The following SNRPE variants were observed in gnomAD, a reference collection of about 807,000 sequenced individuals.
The protein encoded by SNRPE is small nuclear ribonucleoprotein E.
For synonymous variants in SNRPE, 35 were observed against 36.7 expected, an observed-to-expected ratio of 0.95 and a Z score of 0.17; for missense variants, 53 against 111.6, an observed-to-expected ratio of 0.48 and a Z score of 2.36.
At chr1:203,862,962 A>G (rs2103505599) in intron 2 of SNRPE, among the ~76,000 whole-genome samples, 1 of 152,246 alleles carries the variant, frequency 6.6e-6, no homozygotes, top group Non-Finnish European at 1.5e-5. Context: ...CAGAAGCAGT[A>G]AGAAATATTG....
intron 3 of SNRPE, among the ~76,000 whole-genome samples, chr1:203,864,826 G>A (rs1690053295): frequency 6.8e-6 from 1 of 147,486 alleles, no homozygotes; most frequent in Admixed American, 7.0e-5. Flanking sequence ...GCAGTAAGCC[G>A]AGGTTGCACC....
At chr1:203,864,658 C>T (rs1472447315) in intron 3 of SNRPE, among the ~76,000 whole-genome samples, 1 of 152,116 alleles carries the variant, frequency 6.6e-6, no homozygotes, top group South Asian at 2.1e-4. Context: ...TGATGAATCA[C>T]TTTAGCTCCA....
chr1:203,868,399 C>T (rs1690138973), intron 4 of SNRPE, among the ~76,000 whole-genome samples: 1 of 152,174 alleles, frequency 6.6e-6, no homozygotes, highest in African/African-American at 2.4e-5. Context: ...TCTTAGGATT[C>T]ACGGTTTCAT....
In SNRPE at chr1:203,869,289, C is replaced by CTTTTTTTTTTTTTTTTT. The variant is rs564988259; in HGVS notation, c.224-570_224-554dup. ...AGGTTTGTTTATTGTAGGATGGAGT[C>CTTTTTTTTTTTTTTTTT]TTTTTTTTTTTTTTTTTTTTTTTTT... On this transcript the variant is annotated intron_variant, in intron 4 of 4. Coordinates refer to ENST00000414487, the MANE Select transcript of SNRPE (RefSeq NM_003094.4). 1.5e-4 allele frequency among the ~76,000 whole-genome samples: 10 copies of CTTTTTTTTTTTTTTTTT among 66,814 alleles called. 1 individual carries two copies. Among genetic ancestry groups the CTTTTTTTTTTTTTTTTT allele is most frequent in the Admixed American group, 2.3e-4 (1 of 4,434 alleles). The allele number at this position is 66,814 out of a possible 152,430, so 43.8% of individuals were successfully genotyped here. A position where few individuals can be genotyped will look rare whatever the true frequency, so the allele number is the denominator to read the frequency against.
At chr1:203,866,709 T>A (rs1690094385) in intron 4 of SNRPE, among the ~76,000 whole-genome samples, 1 of 152,170 alleles carries the variant, frequency 6.6e-6, no homozygotes, top group Admixed American at 6.5e-5. Context: ...AGTCTGAACA[T>A]ATGTCATCCC....
At position 203,870,196 on chromosome 1, in the gene SNRPE, G is replaced by A. The variant is rs776979299; in HGVS notation, c.*264G>A. ...CAGTTGCCTTGAGCACTTGGTATTC[G>A]CAGAGCTTGGACCTGTAGATTTTGA... On this transcript the variant is annotated 3_prime_UTR_variant, in exon 5 of 5. Transcript: ENST00000414487. The A allele has an allele frequency of 4.9e-5, 15 of 303,650 alleles. No homozygotes were observed. The highest frequency in any genetic ancestry group is 7.9e-5 in the Non-Finnish European group (13 of 164,308). The allele number at this position is 303,650 out of a possible 1,614,324, so 18.8% of individuals were successfully genotyped here.
At chr1:203,865,548 C>G (rs1010222840) in intron 4 of SNRPE, among the ~76,000 whole-genome samples, 1 of 152,168 alleles carries the variant, frequency 6.6e-6, no homozygotes, top group Non-Finnish European at 1.5e-5. Flanking sequence ...TTTCCCCACA[C>G]ACCAAGCAAG....
At chr1:203,864,312 G>T (rs922021071) in intron 3 of SNRPE, among the ~76,000 whole-genome samples, 1 of 152,096 alleles carries the variant, frequency 6.6e-6, no homozygotes, top group Non-Finnish European at 1.5e-5. Context: ...TGTTAGTATG[G>T]AGAGGGGGGA....
intron 3 of SNRPE, 51 bp from the exon 4 acceptor site, chr1:203,864,990 A>G (rs1349724763): frequency 9.5e-6 from 15 of 1,571,892 alleles, no homozygotes; most frequent in Non-Finnish European, 1.3e-5. Context: ...CTCATTTAAA[A>G]TGGTTTGAAT....
intron 1 of SNRPE, 120 bp downstream of exon 1, chr1:203,861,833 G>A: frequency 6.1e-6 from 5 of 816,586 alleles, no homozygotes; most frequent in Non-Finnish European, 1.1e-5. Context: ...AGCCCCCGGG[G>A]CTACCAAGAC....
At chr1:203,862,615 A>G (rs1690000097) in intron 2 of SNRPE, among the ~76,000 whole-genome samples, 1 of 152,202 alleles carries the variant, frequency 6.6e-6, no homozygotes, top group Admixed American at 6.5e-5. Context: ...CCATGTCAAG[A>G]GGTGGTGTGT....
At position 203,870,783 on chromosome 1, in the gene SNRPE, T is replaced by C. The variant is rs1690200177; in HGVS notation, c.*851T>C. Among the ~76,000 whole-genome samples the C allele has an allele frequency of 6.6e-6, 1 of 152,234 alleles. No individual in the cohort carries two copies. Among genetic ancestry groups the C allele is most frequent in the Non-Finnish European group, 1.5e-5 (1 of 68,046 alleles). ...TAGATAGTGAGCATCTGCTGTTAGC[T>C]AGACACTGTTGAATCAATACAGTGA... On this transcript the variant is annotated 3_prime_UTR_variant, in exon 5 of 5. Transcript: ENST00000414487.
chr1:203,863,109 C>T (rs932985351), intron 2 of SNRPE, among the ~76,000 whole-genome samples: 1 of 145,548 alleles, frequency 6.9e-6, no homozygotes, highest in Non-Finnish European at 1.5e-5. Flanking sequence ...TTTTGACTTA[C>T]ATTCATTACA....
rs759880680 is a variant in SNRPE at position 203,862,202 on chromosome 1, A to G, written c.61A>G (p.Ile21Val). 6.2e-7 allele frequency: 1 copy of G among 1,610,842 alleles called. No homozygotes were observed. Among genetic ancestry groups the G allele is most frequent in the Non-Finnish European group, 8.5e-7 (1 of 1,177,012 alleles). ...QKVMVQPINL[I>V]FRYLQNRSRI... ...CTTAGCCACTGTGGTGCAGAACCTC[A>G]TCTTCAGATACTTACAAAATGTACG... Residue 21 changes from isoleucine (I) to valine (V), a missense_variant, in exon 2 of 5, where the codon ATC becomes GTC. Physicochemically the swap from Ile to Val is conservative, Grantham distance 29. Coordinates refer to ENST00000414487, the MANE Select transcript of SNRPE (RefSeq NM_003094.4).
intron 4 of SNRPE, among the ~76,000 whole-genome samples, chr1:203,866,106 A>C (rs1459817747): frequency 6.6e-6 from 1 of 152,224 alleles, no homozygotes; most frequent in Admixed American, 6.5e-5. Flanking sequence ...AAAGTCCGAC[A>C]TCACTAATGC....
In SNRPE at chr1:203,868,859, G is replaced by A. The variant is rs151256611; in HGVS notation, c.224-1018G>A. Among the ~76,000 whole-genome samples, 24 of 152,098 alleles carry A rather than the reference G, an allele frequency of 1.6e-4. 1 individual carries two copies. The highest frequency in any genetic ancestry group is 5.8e-4 in the East Asian group (3 of 5,156). On this transcript the variant is annotated intron_variant, in intron 4 of 4. Transcript: ENST00000414487. Reference sequence around the variant, plus strand: ...AATTTTTTGTATTTTAGTAGAAGACGGGGTGTCACCGTGTTGTCCAGGCTG... The same window carrying A: ...AATTTTTTGTATTTTAGTAGAAGACAGGGTGTCACCGTGTTGTCCAGGCTG...
At chr1:203,867,143 G>C (rs1690108236) in intron 4 of SNRPE, among the ~76,000 whole-genome samples, 1 of 149,862 alleles carries the variant, frequency 6.7e-6, no homozygotes, top group Non-Finnish European at 1.5e-5. Context: ...AGCTGGGCAT[G>C]GTGGCGGGTG....
intron 1 of SNRPE, 43 bp downstream of exon 1, chr1:203,861,756 A>C: frequency 6.9e-7 from 1 of 1,454,230 alleles, no homozygotes; most frequent in South Asian, 1.1e-5. Context: ...TCGGGTCAGA[A>C]TACGGGGTGC....
At chr1:203,861,771 G>A in intron 1 of SNRPE, 58 bp downstream of exon 1, 1 of 1,292,676 alleles carries the variant, frequency 7.7e-7, no homozygotes, top group Admixed American at 1.7e-5. Context: ...GGGTGCGAAG[G>A]CGCAGGCTGA....
Sources: gnomAD v4.1 joint callset for allele counts (sites outside exome capture counted in the v4.1 genomes callset) on GRCh38, gnomAD v4.1.1 for gene constraint, MANE v1.5 for transcripts, NCBI Gene and HGNC (gene_info 2026-07-23, HGNC 2026-07-21) for gene names.